SRPK2: variants seen among roughly 807,000 people sequenced by gnomAD.
SRPK2 encodes SRSF protein kinase 2, also known as SFRS protein kinase 2.
Under a neutral mutation model 90.8 loss-of-function variants are expected in SRPK2, and 21 were observed. The ratio of observed to expected loss-of-function variants is 0.23; its 90% CI spans 0.16 to 0.33. The LOEUF (loss-of-function observed/expected upper bound fraction) is 0.33, where lower values mean the gene tolerates loss of function less well. SRPK2 is among the 10% of genes least tolerant of loss of function. SRPK2 has a pLI of 1.00. For synonymous variants in SRPK2, 288 were observed against 311.1 expected (o/e 0.93, Z 0.78); for missense variants, 620 against 869.0 (o/e 0.71, Z 3.60).
intron 7 of SRPK2, among the ~76,000 whole-genome samples, chr7:105,151,841 C>G (rs575808411): frequency 6.6e-6 from 1 of 151,960 alleles, no homozygotes; most frequent in African/African-American, 2.4e-5. Flanking sequence ...CTGGCCAACA[C>G]GGTGAAACCC....
intron 2 of SRPK2, among the ~76,000 whole-genome samples, chr7:105,386,647 G>C (rs1462436600): frequency 6.6e-6 from 1 of 152,204 alleles, no homozygotes; most frequent in Non-Finnish European, 1.5e-5. Flanking sequence ...AACCTGGGAG[G>C]CGGAGGTTGC....
At chr7:105,140,533 G>A (rs1308431235) in intron 11 of SRPK2, among the ~76,000 whole-genome samples, 1 of 151,258 alleles carries the variant, frequency 6.6e-6, no homozygotes, top group Non-Finnish European at 1.5e-5. Flanking sequence ...TTCAGGAGGC[G>A]GAGGTTGCAG....
chr7:105,330,950 T>C (rs975229936), intron 2 of SRPK2, among the ~76,000 whole-genome samples: 3 of 152,096 alleles, frequency 2.0e-5, no homozygotes, highest in Non-Finnish European at 4.4e-5. Flanking sequence ...GCTGTGATTC[T>C]GCCACTGCAT....
At chr7:105,181,405 C>G (rs549034877) in intron 3 of SRPK2, among the ~76,000 whole-genome samples, 4 of 152,320 alleles carry the variant, frequency 2.6e-5, no homozygotes, top group African/African-American at 9.6e-5. Flanking sequence ...ACTGTAAAGA[C>G]ACACGCACGC....
chr7:105,173,635 G>A (rs910053269), intron 3 of SRPK2, among the ~76,000 whole-genome samples: 2 of 152,164 alleles, frequency 1.3e-5, no homozygotes, highest in African/African-American at 4.8e-5. Context: ...TATTAGCAAT[G>A]GAACCCCATG....
chr7:105,390,624 T>G (rs1204166061), upstream of SRPK2, among the ~76,000 whole-genome samples: 7 of 149,512 alleles, frequency 4.7e-5, no homozygotes, highest in Non-Finnish European at 7.4e-5. Flanking sequence ...TTTTTTTTTT[T>G]TTTTTTTTAG....
chr7:105,174,700 A>T (rs910406844), intron 3 of SRPK2, among the ~76,000 whole-genome samples: 1 of 152,230 alleles, frequency 6.6e-6, no homozygotes, highest in Non-Finnish European at 1.5e-5. Flanking sequence ...ATCAGTAAGG[A>T]TATGGAAGAT....
chr7:105,358,837 G>T (rs1818095791), intron 2 of SRPK2, among the ~76,000 whole-genome samples: 1 of 152,012 alleles, frequency 6.6e-6, no homozygotes, highest in African/African-American at 2.4e-5. Context: ...GGTTTTGCAG[G>T]CTGTACAACA....
intron 2 of SRPK2, among the ~76,000 whole-genome samples, chr7:105,347,358 T>G (rs1352737639): frequency 2.0e-5 from 3 of 151,864 alleles, no homozygotes; most frequent in Non-Finnish European, 2.9e-5. Flanking sequence ...GCCTGGCTAA[T>G]TTTTTCTTTA....
At chr7:105,387,419 A>G (rs372378285) in intron 2 of SRPK2, among the ~76,000 whole-genome samples, 3 of 152,334 alleles carry the variant, frequency 2.0e-5, no homozygotes, top group East Asian at 3.9e-4. Context: ...AGTCCATTTT[A>G]ACATCTTATG....
chr7:105,329,499 G>A (rs1814016059), intron 2 of SRPK2, among the ~76,000 whole-genome samples: 5 of 150,998 alleles, frequency 3.3e-5, no homozygotes, highest in Admixed American at 2.0e-4. Flanking sequence ...AGGCTGAGGT[G>A]GGGAGAATCA....
chr7:105,161,137 G>A (rs1807579522), intron 6 of SRPK2, among the ~76,000 whole-genome samples: 1 of 152,052 alleles, frequency 6.6e-6, no homozygotes, highest in Non-Finnish European at 1.5e-5. Context: ...ATGTTAGCCA[G>A]GATGGTCTCG....
At chr7:105,186,683 AC>A (rs1793621098) in intron 3 of SRPK2, among the ~76,000 whole-genome samples, 1 of 152,164 alleles carries the variant, frequency 6.6e-6, no homozygotes, top group Non-Finnish European at 1.5e-5. Context: ...TAATCATGAA[AC>A]TGAATGAGCG....
Position 105,322,027 on chromosome 7 carries a change from A to G in SRPK2, c.71+66621T>C, listed in dbSNP as rs545685614. On this transcript the variant is annotated intron_variant, in intron 2 of 15. Transcript: ENST00000393651. ...CAGCAGCATTATCCACAATAGCCAA[A>G]AAGTGAAAACAACCCAAATGTCTAC... Among the ~76,000 whole-genome samples the G allele has an allele frequency of 2.6e-5, 4 of 152,350 alleles. No individual in the cohort carries two copies. In the South Asian group the frequency reaches 8.3e-4, roughly 32 times the overall value.
chr7:105,362,705 C>T (rs1386599843), intron 2 of SRPK2, among the ~76,000 whole-genome samples: 2 of 151,902 alleles, frequency 1.3e-5, no homozygotes, highest in Non-Finnish European at 2.9e-5. Flanking sequence ...GGTATATACC[C>T]AAAGGATTAT....
chr7:105,231,492 C>G (rs1799416922), intron 2 of SRPK2, among the ~76,000 whole-genome samples: 1 of 152,178 alleles, frequency 6.6e-6, no homozygotes, highest in Non-Finnish European at 1.5e-5. Context: ...GATCACCATA[C>G]TGCTTTCCAC....
rs550025985 is a variant in SRPK2, at chr7:105,149,539, G to A, written c.622-2881C>T. ...GCCGGTGCAGGTCCTTGGTATGCTG[G>A]GCGCCAGTCCCCTGGGCCCACTGTT... On this transcript the variant is annotated intron_variant, in intron 7 of 15. Transcript: ENST00000393651. Among the ~76,000 whole-genome samples the A allele has an allele frequency of 4.6e-4, 70 of 152,014 alleles. No homozygotes were observed. In the South Asian group the frequency reaches 5.6e-3, roughly 12 times the overall value.
intron 2 of SRPK2, among the ~76,000 whole-genome samples, chr7:105,382,287 T>C (rs1410176960): frequency 6.6e-6 from 1 of 152,004 alleles, no homozygotes; most frequent in African/African-American, 2.4e-5. Context: ...GCACGGTGGC[T>C]CATGCCTATA....
At chr7:105,336,721 C>T (rs67780803) in intron 2 of SRPK2, among the ~76,000 whole-genome samples, 63,842 of 152,138 alleles carry the variant, frequency 0.42, 15,367 homozygotes, top group Non-Finnish European at 0.54. Flanking sequence ...AAATTTAACA[C>T]TCTGAGTTCC....
Sources: allele counts gnomAD v4.1 joint callset (sites outside exome capture counted in the v4.1 genomes callset), GRCh38; gene constraint gnomAD v4.1.1; transcripts MANE v1.5; gene names NCBI Gene and HGNC (gene_info 2026-07-23, HGNC 2026-07-21).